Variants in PHF24 observed in about 807,000 individuals in gnomAD.
PHF24 encodes the protein Galpha inhibitory interacting protein.
A neutral mutation model predicts 42.6 loss-of-function variants in PHF24; 25 were observed. The observed-to-expected ratio is 0.59, with a 90% CI of 0.43 to 0.82. The LOEUF (loss-of-function observed/expected upper bound fraction) is 0.82. PHF24 is among the 40% of genes least tolerant of loss of function. The pLI, the probability that PHF24 is intolerant of heterozygous loss-of-function variation, is 0.00. For synonymous variants in PHF24, 185 were observed against 204.8 expected (o/e 0.90, Z 0.83); for missense variants, 470 against 538.1 (o/e 0.87, Z 1.25).
At chr9:34,944,889 TAA>T in the PHF24 span, among the ~76,000 whole-genome samples, 19 of 129,122 alleles carry the variant, frequency 1.5e-4, no homozygotes, top group Admixed American at 2.4e-4. Flanking sequence ...CTTGTCTCTT[TAA>T]AAAAAAAAAA....
chr9:34,689,966 TTCTACCCAGGGCTGG>T, the PHF24 span: 1 of 1,614,022 alleles, frequency 6.2e-7, no homozygotes, highest in Non-Finnish European at 8.5e-7. The surrounding 1 kb of genome is among the most constrained non-coding windows in gnomAD (Gnocchi z 4.1). Context: ...GGATGATGCG[TTCTACCCAGGGCTGG>T]TCTGGGGGTG....
At chr9:34,966,717 G>A (rs1470282099) in intron 1 of PHF24, among the ~76,000 whole-genome samples, 1 of 151,868 alleles carries the variant, frequency 6.6e-6, no homozygotes, top group Non-Finnish European at 1.5e-5. Flanking sequence ...AAGAGACAGG[G>A]TCTCACTGTG....
At chr9:34,935,833 G>GA in the PHF24 span, among the ~76,000 whole-genome samples, 1 of 151,868 alleles carries the variant, frequency 6.6e-6, no homozygotes, top group Non-Finnish European at 1.5e-5. Context: ...TAAGAATGAT[G>GA]ATGACAATGA....
the PHF24 span, among the ~76,000 whole-genome samples, chr9:34,671,395 T>C: frequency 3.3e-5 from 5 of 152,182 alleles, no homozygotes; most frequent in African/African-American, 1.2e-4. Context: ...CCAGGATTAA[T>C]TGTGAGGCAG....
chr9:34,798,052 G>T, the PHF24 span, among the ~76,000 whole-genome samples: 6 of 152,278 alleles, frequency 3.9e-5, no homozygotes, highest in African/African-American at 1.4e-4. Context: ...TAGAGAAAAG[G>T]TGTGACCACA....
chr9:34,741,953 T>C, the PHF24 span, among the ~76,000 whole-genome samples: 1 of 152,130 alleles, frequency 6.6e-6, no homozygotes, highest in Non-Finnish European at 1.5e-5. Flanking sequence ...TCTCAGTGTG[T>C]TCCATATCAA....
chr9:34,805,237 G>T, the PHF24 span, among the ~76,000 whole-genome samples: 1 of 152,310 alleles, frequency 6.6e-6, no homozygotes, highest in Non-Finnish European at 1.5e-5. Flanking sequence ...GAGTGAAATT[G>T]CTGGGTCATA....
the PHF24 span, among the ~76,000 whole-genome samples, chr9:34,868,756 C>CT: frequency 1.1e-4 from 16 of 151,288 alleles, no homozygotes; most frequent in Non-Finnish European, 2.4e-4. Flanking sequence ...TTTTCCTTCT[C>CT]TTTTTTTTTC....
the PHF24 span, among the ~76,000 whole-genome samples, chr9:34,804,119 T>G: frequency 5.3e-5 from 8 of 152,234 alleles, no homozygotes; most frequent in East Asian, 1.6e-3. Context: ...TTTTAACTAT[T>G]TGAACTCAGC....
the PHF24 span, among the ~76,000 whole-genome samples, chr9:34,783,862 G>T: frequency 6.6e-6 from 1 of 152,104 alleles, no homozygotes. Flanking sequence ...CTTTTTAATT[G>T]ATGTATAATG....
At chr9:34,739,583 C>T in the PHF24 span, among the ~76,000 whole-genome samples, 4 of 152,164 alleles carry the variant, frequency 2.6e-5, no homozygotes, top group East Asian at 7.7e-4. Flanking sequence ...TTTGTTCCTT[C>T]TGATGTTCGG....
chr9:34,741,584 A>G, the PHF24 span, among the ~76,000 whole-genome samples: 2 of 151,274 alleles, frequency 1.3e-5, no homozygotes, highest in African/African-American at 4.9e-5. Context: ...CTGGCCTCGA[A>G]CTCCCGACCT....
the PHF24 span, among the ~76,000 whole-genome samples, chr9:34,776,331 A>G: frequency 1.3e-5 from 2 of 152,180 alleles, no homozygotes; most frequent in African/African-American, 4.8e-5. Context: ...AACCCCAGTA[A>G]TTTATAAATT....
the PHF24 span, among the ~76,000 whole-genome samples, chr9:34,860,248 G>T: frequency 6.6e-6 from 1 of 152,186 alleles, no homozygotes; most frequent in Admixed American, 6.5e-5. Context: ...AAGAGTCATT[G>T]TATGTTTTGC....
the PHF24 span, among the ~76,000 whole-genome samples, chr9:34,777,456 T>C: frequency 6.6e-6 from 1 of 152,140 alleles, no homozygotes; most frequent in East Asian, 1.9e-4. Context: ...CCCCAGATTG[T>C]GGCTAGGGCG....
chr9:34,930,233 T>C, the PHF24 span, among the ~76,000 whole-genome samples: 1 of 152,232 alleles, frequency 6.6e-6, no homozygotes, highest in African/African-American at 2.4e-5. Flanking sequence ...CCGAGACTCA[T>C]GCTTCGGGTC....
At chr9:34,887,056 A>G in the PHF24 span, among the ~76,000 whole-genome samples, 5 of 152,162 alleles carry the variant, frequency 3.3e-5, no homozygotes, top group Non-Finnish European at 7.4e-5. Flanking sequence ...TATTTCCCAC[A>G]TCAATTAATG....
the PHF24 span, among the ~76,000 whole-genome samples, chr9:34,848,760 A>G: frequency 1.3e-5 from 2 of 150,462 alleles, no homozygotes; most frequent in African/African-American, 4.9e-5. Context: ...TTCCCTCTAC[A>G]CACTGCTTTG....
the PHF24 span, among the ~76,000 whole-genome samples, chr9:34,824,286 C>T: frequency 2.0e-5 from 3 of 152,180 alleles, no homozygotes; most frequent in Admixed American, 6.5e-5. Context: ...ATTGAGTCTT[C>T]CCAAACAAGA....
Sources: allele counts gnomAD v4.1 joint callset (sites outside exome capture counted in the v4.1 genomes callset), GRCh38; gene constraint gnomAD v4.1.1; non-coding constraint Gnocchi (gnomAD v3.1); transcripts MANE v1.5; gene names NCBI Gene and HGNC (gene_info 2026-07-23, HGNC 2026-07-21).